STXBP6: variants seen among roughly 807,000 people sequenced by gnomAD.
STXBP6 encodes the protein syntaxin-binding protein 6.
STXBP6 carries 21 observed loss-of-function variants against 26.9 expected under a neutral mutation model. That is an observed-to-expected ratio of 0.78 (90% CI 0.55 to 1.12). The LOEUF (loss-of-function observed/expected upper bound fraction) is 1.12. STXBP6 is among the 50% of genes most tolerant of loss of function. STXBP6 has a pLI of 0.00. For missense variants in STXBP6, 232 were observed against 257.9 expected (o/e 0.90, Z 0.69); for synonymous variants, 97 against 92.6 (o/e 1.05, Z -0.27).
intron 2 of STXBP6, among the ~76,000 whole-genome samples, chr14:24,904,578 AG>A (rs1272397774): frequency 6.6e-6 from 1 of 152,202 alleles, no homozygotes; most frequent in Non-Finnish European, 1.5e-5. Context: ...GCCTTTAAAA[AG>A]GTAATATTAA....
At chr14:25,000,610 CA>C (rs1369023643) in intron 1 of STXBP6, among the ~76,000 whole-genome samples, 5 of 150,484 alleles carry the variant, frequency 3.3e-5, no homozygotes, top group South Asian at 2.1e-4. Context: ...TACAGCCACC[CA>C]AAAAACCTAT....
intron 1 of STXBP6, chr14:24,987,963 A>G (rs1254854909): frequency 4.7e-6 from 4 of 847,812 alleles, no homozygotes; most frequent in Non-Finnish European, 2.8e-6. Context: ...TCCCTCATGG[A>G]GCTTACATTC....
At chr14:25,038,077 A>G (rs1330782948) in intron 1 of STXBP6, among the ~76,000 whole-genome samples, 2 of 151,724 alleles carry the variant, frequency 1.3e-5, no homozygotes, top group Non-Finnish European at 2.9e-5. Context: ...GAACACACAC[A>G]CACACACTCA....
At chr14:24,911,489 C>CAAAG (rs554787902) in intron 2 of STXBP6, among the ~76,000 whole-genome samples, 154 of 151,306 alleles carry the variant, frequency 1.0e-3, no homozygotes, top group South Asian at 1.7e-3. Flanking sequence ...GGAGGATGTC[C>CAAAG]AAAGAAAGAA....
intron 4 of STXBP6, among the ~76,000 whole-genome samples, chr14:24,846,976 C>T (rs1379211048): frequency 6.6e-6 from 1 of 152,124 alleles, no homozygotes; most frequent in African/African-American, 2.4e-5. Context: ...TTCTCATATA[C>T]TATGCTCAAA....
At chr14:24,922,270 T>C (rs1397878419) in intron 2 of STXBP6, among the ~76,000 whole-genome samples, 3 of 152,128 alleles carry the variant, frequency 2.0e-5, no homozygotes, top group East Asian at 3.9e-4. Flanking sequence ...CCTAGCTCTA[T>C]AGATGAGAAA....
At chr14:24,869,423 A>G (rs1213753579) in intron 2 of STXBP6, among the ~76,000 whole-genome samples, 1 of 152,174 alleles carries the variant, frequency 6.6e-6, no homozygotes, top group Non-Finnish European at 1.5e-5. Context: ...CAGCCTATGA[A>G]TCATTCCCGA....
intron 1 of STXBP6, among the ~76,000 whole-genome samples, chr14:25,043,513 G>A (rs2075675466): frequency 6.6e-6 from 1 of 152,038 alleles, no homozygotes; most frequent in Admixed American, 6.6e-5. Flanking sequence ...AGTTTTCAGT[G>A]TATTCAAAAA....
chr14:24,836,762 T>C (rs994948431), intron 4 of STXBP6, among the ~76,000 whole-genome samples: 8 of 152,190 alleles, frequency 5.3e-5, no homozygotes, highest in African/African-American at 1.2e-4. Flanking sequence ...GAAAAATGAA[T>C]GGAAAAAGAG....
At chr14:24,865,114 C>G (rs1200836200) in intron 2 of STXBP6, among the ~76,000 whole-genome samples, 1 of 151,996 alleles carries the variant, frequency 6.6e-6, no homozygotes, top group South Asian at 2.1e-4. Context: ...TAAAGCTGAA[C>G]ATGTACATAT....
At chr14:24,916,576 C>T (rs2071777549) in intron 2 of STXBP6, among the ~76,000 whole-genome samples, 1 of 152,042 alleles carries the variant, frequency 6.6e-6, no homozygotes, top group Non-Finnish European at 1.5e-5. Flanking sequence ...GTTTGCTTTG[C>T]AGGGTGTGTG....
At chr14:24,830,111 G>T (rs1203871059) in intron 4 of STXBP6, among the ~76,000 whole-genome samples, 1 of 152,058 alleles carries the variant, frequency 6.6e-6, no homozygotes, top group South Asian at 2.1e-4. Flanking sequence ...AAGACCACTG[G>T]TGTGGCCATA....
In STXBP6 at chr14:24,912,089, G is replaced by C. The variant is rs144465614; in HGVS notation, c.155-54932C>G. 3.9e-5 allele frequency among the ~76,000 whole-genome samples: 6 copies of C among 152,264 alleles called. No individual in the cohort carries two copies. The East Asian group carries it at 1.2e-3, about 29-fold the overall frequency. On this transcript the variant is annotated intron_variant, in intron 2 of 5. Coordinates refer to ENST00000323944, the MANE Select transcript of STXBP6 (RefSeq NM_001394410.1). Reference sequence around the variant, plus strand: ...TAACCACCAAGGGTGGGCAGTATCTGTTTGGCATGAGAGTCCCATCAAGCT... The same window carrying C: ...TAACCACCAAGGGTGGGCAGTATCTCTTTGGCATGAGAGTCCCATCAAGCT...
At chr14:24,834,148 C>T (rs1299831333) in intron 4 of STXBP6, among the ~76,000 whole-genome samples, 2 of 152,108 alleles carry the variant, frequency 1.3e-5, no homozygotes, top group African/African-American at 4.8e-5. Context: ...ATGTGCACCA[C>T]CATAACCGGC....
intron 1 of STXBP6, among the ~76,000 whole-genome samples, chr14:25,002,802 T>C (rs903988629): frequency 6.6e-6 from 1 of 151,804 alleles, no homozygotes; most frequent in African/African-American, 2.4e-5. Context: ...AGTTTCACTC[T>C]TGTTGCCCAG....
intron 5 of STXBP6, among the ~76,000 whole-genome samples, chr14:24,814,844 A>C (rs1327471018): frequency 6.6e-6 from 1 of 152,176 alleles, no homozygotes; most frequent in Non-Finnish European, 1.5e-5. Context: ...CCATGTGAGG[A>C]CATGATGAGG....
At chr14:25,020,284 T>C (rs1467793982) in intron 1 of STXBP6, among the ~76,000 whole-genome samples, 1 of 152,180 alleles carries the variant, frequency 6.6e-6, no homozygotes, top group African/African-American at 2.4e-5. Context: ...TTTTCTCTAG[T>C]AACATAAAGT....
intron 2 of STXBP6, among the ~76,000 whole-genome samples, chr14:24,890,659 A>T (rs1401256201): frequency 6.6e-6 from 1 of 152,240 alleles, no homozygotes; most frequent in Admixed American, 6.5e-5. Context: ...AGAAAAGATA[A>T]GGAAATTAGC....
intron 4 of STXBP6, among the ~76,000 whole-genome samples, chr14:24,848,501 C>T (rs2069038943): frequency 6.6e-6 from 1 of 152,078 alleles, no homozygotes; most frequent in African/African-American, 2.4e-5. Context: ...CAATCCTTGT[C>T]CAGACAAAAA....
Sources: gnomAD v4.1 joint callset for allele counts (sites outside exome capture counted in the v4.1 genomes callset) on GRCh38, gnomAD v4.1.1 for gene constraint, MANE v1.5 for transcripts, NCBI Gene and HGNC (gene_info 2026-07-23, HGNC 2026-07-21) for gene names.